The following SH3BP4 variants were observed in gnomAD, a reference collection of about 807,000 sequenced individuals.
SH3BP4 encodes SH3 domain-binding protein 4.
A neutral mutation model predicts 65.5 loss-of-function variants in SH3BP4; 33 were observed. The ratio of observed to expected loss-of-function variants is 0.50; its 90% CI spans 0.38 to 0.67. SH3BP4 has a LOEUF of 0.67. Ranked by LOEUF, SH3BP4 falls within the 30% of genes least tolerant of loss-of-function variation. The pLI is 0.00. For synonymous variants in SH3BP4, 552 were observed against 545.5 expected (o/e 1.01, Z -0.17); for missense variants, 1,134 against 1,261.4 (o/e 0.90, Z 1.53).
chr2:234,985,197 C>T (rs1451284985), intron 1 of SH3BP4, among the ~76,000 whole-genome samples: 1 of 152,060 alleles, frequency 6.6e-6, no homozygotes, highest in Non-Finnish European at 1.5e-5. Context: ...CAAAGATCTA[C>T]TATAGCTGGC....
intron 1 of SH3BP4, among the ~76,000 whole-genome samples, chr2:234,958,091 C>T (rs1012866812): frequency 6.6e-6 from 1 of 151,994 alleles, no homozygotes; most frequent in African/African-American, 2.4e-5. Context: ...GGCAGACCCC[C>T]TGGGTGGGTG....
At position 235,042,538 on chromosome 2, in the gene SH3BP4, G is replaced by A. The variant is rs140159420; in HGVS notation, c.1769G>A (p.Arg590Gln). Residue 590 changes from arginine (R) to glutamine (Q), a missense_variant, in exon 4 of 6, where the codon CGG becomes CAG. Coordinates refer to ENST00000392011, the MANE Select transcript of SH3BP4 (RefSeq NM_014521.3). This position sits in a 1 kb window ranked among gnomAD's most constrained non-coding sequence, Gnocchi z 7.3. Reference sequence around the variant, plus strand: ...AACGAGCTCTCTGACTTCACGCTGCGGGTTCAGGTGAAGGACGACCAGGAG... The same window carrying A: ...AACGAGCTCTCTGACTTCACGCTGCAGGTTCAGGTGAAGGACGACCAGGAG... ...NPNELSDFTL[R>Q]VQVKDDQEAI... 45 of 1,614,020 alleles carry A rather than the reference G, an allele frequency of 2.8e-5. No homozygotes were observed. The highest frequency in any genetic ancestry group is 1.1e-4 in the African/African-American group (8 of 74,930).
chr2:235,021,193 T>A (rs1272376622), intron 2 of SH3BP4, among the ~76,000 whole-genome samples: 1 of 152,152 alleles, frequency 6.6e-6, no homozygotes, highest in Non-Finnish European at 1.5e-5. Flanking sequence ...ACCACATTTG[T>A]GGAAGAAAAG....
At position 234,964,085 on chromosome 2, in the gene SH3BP4, A is replaced by G. The variant is rs150087396; in HGVS notation, c.-207+11915A>G. Among the ~76,000 whole-genome samples the G allele has an allele frequency of 4.1e-3, 631 of 152,314 alleles. 7 individuals carry two copies. Among genetic ancestry groups the G allele is most frequent in the African/African-American group, 0.014 (594 of 41,562 alleles). ...CTGCCTCCTCAGGTCTTGGCACCGC[A>G]GTATTTGTGAGTCATCCACCTATAG... is the stretch of plus-strand genomic sequence containing the variant. On this transcript the variant is annotated intron_variant, in intron 1 of 5. Coordinates refer to ENST00000392011, the MANE Select transcript of SH3BP4 (RefSeq NM_014521.3).
intron 1 of SH3BP4, among the ~76,000 whole-genome samples, chr2:234,956,911 G>A (rs1037273106): frequency 4.6e-5 from 7 of 152,102 alleles, no homozygotes; most frequent in African/African-American, 1.7e-4. Flanking sequence ...CTCCAATGTA[G>A]GAGGTCCCTG....
chr2:234,980,854 T>G (rs1693355710), intron 1 of SH3BP4, among the ~76,000 whole-genome samples: 2 of 152,288 alleles, frequency 1.3e-5, no homozygotes, highest in South Asian at 2.1e-4. Context: ...TTTTTGTGGT[T>G]TTTGCCCGTT....
chr2:234,981,801 G>T (rs752961426), intron 1 of SH3BP4: 1 of 152,148 alleles, frequency 6.6e-6, no homozygotes, highest in African/African-American at 2.4e-5. Flanking sequence ...GAATCATACC[G>T]GAGTGGAAAA....
intron 3 of SH3BP4, among the ~76,000 whole-genome samples, chr2:235,036,740 A>AAATAAAAATAATAAT (rs1553567055): frequency 7.1e-6 from 1 of 141,740 alleles, no homozygotes; most frequent in Non-Finnish European, 1.5e-5. Flanking sequence ...TCTATATAAA[A>AAATAAAAATAATAAT]AATAATAATA....
chr2:234,989,453 C>T (rs1693681471), intron 1 of SH3BP4, among the ~76,000 whole-genome samples: 1 of 152,216 alleles, frequency 6.6e-6, no homozygotes, highest in South Asian at 2.1e-4. Context: ...TGGCATGCAG[C>T]CATGTACCCG....
chr2:235,041,329 A>G lies in SH3BP4; in HGVS notation c.560A>G (p.Lys187Arg). The change falls in exon 4 of 6, where the codon AAA becomes AGA. Residue 187 changes from lysine to arginine, a missense_variant. Lys to Arg is a conservative substitution (Grantham distance 26). Coordinates refer to ENST00000392011, the MANE Select transcript of SH3BP4 (RefSeq NM_014521.3). This position sits in a 1 kb window ranked among gnomAD's most constrained non-coding sequence, Gnocchi z 6.0. ...VMPSLDELNP[K>R]STVDLLLFDA... Reference sequence around the variant, plus strand: ...CCCAGCCTGGATGAGCTGAATCCCAAAAGTACTGTGGATTTGCTCCTTTTT... The same window carrying G: ...CCCAGCCTGGATGAGCTGAATCCCAGAAGTACTGTGGATTTGCTCCTTTTT... 2 of 1,614,162 alleles carry G rather than the reference A, an allele frequency of 1.2e-6. No individual in the cohort carries two copies. Among genetic ancestry groups the G allele is most frequent in the Non-Finnish European group, 1.7e-6 (2 of 1,180,022 alleles).
At chr2:235,038,344 T>TA in intron 3 of SH3BP4, among the ~76,000 whole-genome samples, 1 of 15,860 alleles carries the variant, frequency 6.3e-5, no homozygotes, top group Admixed American at 8.2e-4. Context: ...ATATAGTATA[T>TA]ATATTTTATA....
intron 2 of SH3BP4, among the ~76,000 whole-genome samples, chr2:235,009,588 C>T (rs1438495369): frequency 6.6e-6 from 1 of 152,002 alleles, no homozygotes; most frequent in East Asian, 1.9e-4. Context: ...TCTGTGTCTG[C>T]TCTTTGCTAG....
intron 2 of SH3BP4, among the ~76,000 whole-genome samples, chr2:234,999,241 T>C (rs1203333168): frequency 6.6e-6 from 1 of 152,224 alleles, no homozygotes; most frequent in Non-Finnish European, 1.5e-5. Flanking sequence ...CTAGCCTGCC[T>C]TACACCTTTC....
Position 235,036,740 on chromosome 2 carries a change from A to AAAAAAAAAAAAAAATAATAATAATAAT in SH3BP4, c.118+1622_118+1623insAAAAAAAAAAAATAATAATAATAATAA, listed in dbSNP as rs146049108. On this transcript the variant is annotated intron_variant, in intron 3 of 5. Transcript: ENST00000392011. The stretch of plus-strand genomic sequence containing the variant: ...ACTGCACTCTGAGACTCTATATAAA[A>AAAAAAAAAAAAAAATAATAATAATAAT]AATAATAATAATAATAATGACAGTG... Among the ~76,000 whole-genome samples the AAAAAAAAAAAAAAATAATAATAATAAT allele has an allele frequency of 5.7e-4, 81 of 141,750 alleles. No homozygotes were observed. The East Asian group carries it at 6.1e-3, about 11-fold the overall frequency. The allele number at this position is 141,750 out of a possible 152,430, so 93.0% of individuals were successfully genotyped here.
chr2:234,981,187 A>T (rs1200252953), intron 1 of SH3BP4, among the ~76,000 whole-genome samples: 2 of 152,162 alleles, frequency 1.3e-5, no homozygotes, highest in Non-Finnish European at 2.9e-5. Flanking sequence ...GCAGAATTAC[A>T]CTTTTGCGGC....
In SH3BP4 at chr2:235,053,798, G is replaced by A. The variant is rs1258733888; in HGVS notation, c.2874G>A (p.Gln958=). The A allele has an allele frequency of 1.2e-6, 2 of 1,614,038 alleles. No homozygotes were observed. The highest frequency in any genetic ancestry group is 1.3e-5 in the African/African-American group (1 of 74,944). The change falls in exon 6 of 6, where the codon CAG becomes CAA. Residue 958 remains glutamine (Q), a synonymous_variant. Coordinates refer to ENST00000392011, the MANE Select transcript of SH3BP4 (RefSeq NM_014521.3). ...CAGCCGCCTTCAGCCCTGCGGACCA[G>A]GACGACTTCGTGATTTGAATGGGTC... is the stretch of plus-strand genomic sequence containing the variant. The part of the protein sequence containing the change: ...LRAAAFSPAD[Q]DDFVI
intron 1 of SH3BP4, among the ~76,000 whole-genome samples, chr2:234,972,645 G>A (rs913344824): frequency 5.9e-5 from 9 of 152,122 alleles, no homozygotes; most frequent in Non-Finnish European, 1.2e-4. Flanking sequence ...GAGGATGGCT[G>A]AGCCCAGGAG....
intron 1 of SH3BP4, among the ~76,000 whole-genome samples, chr2:234,965,931 A>T (rs919269592): frequency 3.3e-5 from 5 of 152,308 alleles, no homozygotes; most frequent in African/African-American, 1.2e-4. Context: ...AATGCAGTAG[A>T]GCTCGCAAAT....
rs540154234 is a variant in SH3BP4 at position 234,997,893 on chromosome 2, T to C, written c.-133+2517T>C. Among the ~76,000 whole-genome samples the C allele has an allele frequency of 2.6e-5, 4 of 152,090 alleles. No homozygotes were observed. The South Asian group carries it at 6.2e-4, about 24-fold the overall frequency. The stretch of plus-strand genomic sequence containing the variant: ...ATCCCAGCACTTTGGGAGGCCGAGG[T>C]GGGCGGATCACGAGATCAGGAGATC... On this transcript the variant is annotated intron_variant, in intron 2 of 5. Transcript: ENST00000392011. This position sits in a 1 kb window ranked among gnomAD's most constrained non-coding sequence, Gnocchi z 4.2.
Sources: allele counts gnomAD v4.1 joint callset (sites outside exome capture counted in the v4.1 genomes callset), GRCh38; gene constraint gnomAD v4.1.1; non-coding constraint Gnocchi (gnomAD v3.1); transcripts MANE v1.5; gene names NCBI Gene and HGNC (gene_info 2026-07-23, HGNC 2026-07-21).